The following PCDHGA9 variants were observed in gnomAD, a reference collection of about 807,000 sequenced individuals.
PCDHGA9 encodes protocadherin gamma-A9.
Under a neutral mutation model 62.5 loss-of-function variants are expected in PCDHGA9, and 37 were observed. The ratio of observed to expected loss-of-function variants is 0.59; its 90% CI spans 0.46 to 0.78. PCDHGA9 has a LOEUF of 0.78. Among genes scored for constraint, PCDHGA9 ranks in the 30% least tolerant of loss-of-function variants. PCDHGA9 has a pLI of 0.00. For synonymous variants in PCDHGA9, 459 were observed against 484.6 expected (o/e 0.95, Z 0.69); for missense variants, 1,138 against 1,166.2 (o/e 0.98, Z 0.35).
At chr5:141,430,729 G>T in intron 1 of PCDHGA9, 1 of 1,499,360 alleles carries the variant, frequency 6.7e-7, no homozygotes, top group East Asian at 2.3e-5. Flanking sequence ...GTTAAGGGCA[G>T]AATTGAAAAT....
rs2099669219 is a variant in PCDHGA9, at chr5:141,487,927, C to T, written c.2425-6880C>T. 3 of 626,498 alleles carry T rather than the reference C, an allele frequency of 4.8e-6. No homozygotes were observed. Among genetic ancestry groups the T allele is most frequent in the Admixed American group, 5.9e-5 (2 of 34,100 alleles). The allele number at this position is 626,498 out of a possible 1,614,324, so 38.8% of individuals were successfully genotyped here. On this transcript the variant is annotated intron_variant, in intron 1 of 3. Coordinates refer to ENST00000573521, the MANE Select transcript of PCDHGA9 (RefSeq NM_018921.3). The surrounding 1 kb of genome is among the most constrained non-coding windows in gnomAD (Gnocchi z 5.0). ...TGGGAGCACAGGAGGCTACAGTGCA[C>T]AGGGTACAGTGCACCAGGCAGTCAC...
chr5:141,486,091 G>T lies in PCDHGA9; in HGVS notation c.2425-8716G>T. ...CTACTGGAAAGCTTACTCTTTTGGG[G>T]CCCCTAGACTTTGAGAGTGAGAATT... On this transcript the variant is annotated intron_variant, in intron 1 of 3. Coordinates refer to ENST00000573521, the MANE Select transcript of PCDHGA9 (RefSeq NM_018921.3). This position sits in a 1 kb window ranked among gnomAD's most constrained non-coding sequence, Gnocchi z 5.0. 1 of 1,614,158 alleles carries T rather than the reference G, an allele frequency of 6.2e-7. No homozygotes were observed. Among genetic ancestry groups the T allele is most frequent in the South Asian group, 1.1e-5 (1 of 91,078 alleles).
intron 1 of PCDHGA9, among the ~76,000 whole-genome samples, chr5:141,479,914 G>T (rs2099509746): frequency 6.6e-6 from 1 of 152,148 alleles, no homozygotes; most frequent in South Asian, 2.1e-4. Context: ...CTGTTATTTT[G>T]TTACTCAGTG....
chr5:141,413,909 T>A (rs772084941), intron 1 of PCDHGA9: 1 of 1,613,316 alleles, frequency 6.2e-7, no homozygotes. Flanking sequence ...AACGCGCCGG[T>A]CTTCACCTTG....
chr5:141,408,878 G>A lies in PCDHGA9; in HGVS notation c.2424+3502G>A. The stretch of plus-strand genomic sequence containing the variant: ...AGGGGACCCACCAAGAAGTGCCACC[G>A]CTCACATAGAAATTTCTGTCAAGGA... On this transcript the variant is annotated intron_variant, in intron 1 of 3. Coordinates refer to ENST00000573521, the MANE Select transcript of PCDHGA9 (RefSeq NM_018921.3). 1.9e-6 allele frequency: 3 copies of A among 1,613,048 alleles called. No homozygotes were observed. Among genetic ancestry groups the A allele is most frequent in the Non-Finnish European group, 1.7e-6 (2 of 1,179,590 alleles).
At chr5:141,443,538 G>A (rs768723399) in intron 1 of PCDHGA9, among the ~76,000 whole-genome samples, 2 of 152,118 alleles carry the variant, frequency 1.3e-5, no homozygotes, top group African/African-American at 4.8e-5. Flanking sequence ...TTTAAAGCTT[G>A]GGAAATTGTT....
At chr5:141,426,844 A>C (rs1397752566) in intron 1 of PCDHGA9, 1 of 456,628 alleles carries the variant, frequency 2.2e-6, no homozygotes, top group Non-Finnish European at 4.4e-6. Context: ...ACTAAAGGCA[A>C]GAACGCTCCA....
intron 1 of PCDHGA9, chr5:141,427,267 A>C (rs1361287845): frequency 6.6e-6 from 3 of 456,648 alleles, no homozygotes; most frequent in Non-Finnish European, 1.3e-5. Flanking sequence ...ATGACCAGCG[A>C]ATGTAAAATT....
chr5:141,471,044 CT>C (rs1432278092), intron 1 of PCDHGA9, among the ~76,000 whole-genome samples: 3 of 136,442 alleles, frequency 2.2e-5, no homozygotes. Flanking sequence ...AGCCCAAGCC[CT>C]CTTTTTTTTT....
intron 1 of PCDHGA9, chr5:141,413,055 C>G: frequency 9.8e-7 from 1 of 1,019,544 alleles, no homozygotes; most frequent in Non-Finnish European, 1.4e-6. Flanking sequence ...GGGAAGCTCA[C>G]TCCAGAATTT....
intron 3 of PCDHGA9, among the ~76,000 whole-genome samples, chr5:141,509,766 G>A (rs1176830940): frequency 6.6e-6 from 1 of 152,104 alleles, no homozygotes; most frequent in Non-Finnish European, 1.5e-5. Flanking sequence ...TCCCTGAGAT[G>A]TCTAGTCCCC....
rs2154591305 is a variant in PCDHGA9, at chr5:141,493,879, G to A, written c.2425-928G>A. Among the ~76,000 whole-genome samples the A allele has an allele frequency of 6.6e-6, 1 of 152,288 alleles. No homozygotes were observed. The highest frequency in any genetic ancestry group is 6.5e-5 in the Admixed American group (1 of 15,302). ...CCCACCCCAGAACCAGTGAGGAGGT[G>A]GCTCTAGGAGTGCTCCATGAGAGTG... On this transcript the variant is annotated intron_variant, in intron 1 of 3. Coordinates refer to ENST00000573521, the MANE Select transcript of PCDHGA9 (RefSeq NM_018921.3). This position sits in a 1 kb window ranked among gnomAD's most constrained non-coding sequence, Gnocchi z 4.3.
intron 2 of PCDHGA9, among the ~76,000 whole-genome samples, chr5:141,501,907 G>T (rs4912761): frequency 0.59 from 89,145 of 151,782 alleles, 27,774 homozygotes; most frequent in African/African-American, 0.8. Context: ...CAACCCCACT[G>T]TTCCACTCAG....
At position 141,486,783 on chromosome 5, in the gene PCDHGA9, C is replaced by A. The variant is rs905423670; in HGVS notation, c.2425-8024C>A. ...CAGACACTGCAGTTTGAGGTGCAGG[C>A]CCGGGATCGGGGCAACCCACCCCTT... On this transcript the variant is annotated intron_variant, in intron 1 of 3. Transcript: ENST00000573521. The surrounding 1 kb of genome is among the most constrained non-coding windows in gnomAD (Gnocchi z 5.0). 6.2e-7 allele frequency: 1 copy of A among 1,614,102 alleles called. No homozygotes were observed.
intron 1 of PCDHGA9, among the ~76,000 whole-genome samples, chr5:141,454,796 A>ATTTTTTTTTTTTTTTTTTTTTTTTTTT (rs61612330): frequency 3.9e-5 from 3 of 77,408 alleles, no homozygotes; most frequent in Admixed American, 1.8e-4. Flanking sequence ...CATGGTTCTA[A>ATTTTTTTTTTTTTTTTTTTTTTTTTTT]TTTTTTTTTT....
intron 1 of PCDHGA9, chr5:141,418,857 T>G (rs1378155402): frequency 6.2e-7 from 1 of 1,613,988 alleles, no homozygotes; most frequent in South Asian, 1.1e-5. Context: ...CGGTGTAAAG[T>G]AATTGTAGAA....
intron 1 of PCDHGA9, among the ~76,000 whole-genome samples, chr5:141,453,310 T>C (rs566320120): frequency 6.6e-6 from 1 of 152,044 alleles, no homozygotes; most frequent in South Asian, 2.1e-4. Context: ...TTTATTTATT[T>C]ATTTTAGAGA....
At chr5:141,433,253 G>C (rs1288721469) in intron 1 of PCDHGA9, 1 of 1,416,466 alleles carries the variant, frequency 7.1e-7, no homozygotes, top group East Asian at 2.3e-5. Flanking sequence ...GAATGCAGCG[G>C]TACGATCATA....
Position 141,404,410 on chromosome 5 carries a change from A to G in PCDHGA9, c.1458A>G (p.Arg486=), listed in dbSNP as rs1343740045. Residue 486 remains arginine (R), a synonymous_variant, in exon 1 of 4, where the codon AGA becomes AGG. Transcript: ENST00000573521. ...AYDPDSNENS[R]VIYSLAEDTI... is the part of the protein sequence containing the mutation. Reference sequence around the variant, plus strand: ...ACCCTGATAGCAATGAGAATTCTAGAGTTATTTACTCCTTGGCAGAGGATA... The same window carrying G: ...ACCCTGATAGCAATGAGAATTCTAGGGTTATTTACTCCTTGGCAGAGGATA... 2 of 1,613,728 alleles carry G rather than the reference A, an allele frequency of 1.2e-6. No homozygotes were observed. Among genetic ancestry groups the G allele is most frequent in the Non-Finnish European group, 1.7e-6 (2 of 1,179,834 alleles).
Sources: allele counts gnomAD v4.1 joint callset (sites outside exome capture counted in the v4.1 genomes callset), GRCh38; gene constraint gnomAD v4.1.1; non-coding constraint Gnocchi (gnomAD v3.1); transcripts MANE v1.5; gene names NCBI Gene and HGNC (gene_info 2026-07-23, HGNC 2026-07-21).